Variants in HAUS8 observed in about 807,000 individuals in gnomAD.
HAUS8 encodes HAUS augmin like complex subunit 8, also known as HAUS augmin-like complex subunit 8.
Under a neutral mutation model 42.9 loss-of-function variants are expected in HAUS8, and 38 were observed. The observed-to-expected ratio is 0.89, with a 90% CI of 0.68 to 1.16. The LOEUF is 1.16. Among genes scored for constraint, HAUS8 ranks in the 50% most tolerant of loss-of-function variants. The pLI, the probability that HAUS8 is intolerant of heterozygous loss-of-function variation, is 0.00. For synonymous variants in HAUS8, 199 were observed against 205.8 expected, an observed-to-expected ratio of 0.97 and a Z score of 0.28; for missense variants, 494 against 511.6, an observed-to-expected ratio of 0.97 and a Z score of 0.33.
Position 17,050,085 on chromosome 19 carries a change from C to A in HAUS8, c.1021G>T (p.Ala341Ser). ...TTGAAATACCACCGGCTGGGGGGCGCCATGCCCTGGGTCTCTTCCCAGACT... is the reference window on the plus strand; with the variant it reads ...TTGAAATACCACCGGCTGGGGGGCGACATGCCCTGGGTCTCTTCCCAGACT... ...QEVWEETQGM[A>S]PPSRWYFNQD... The change falls in exon 11 of 11, where the codon GCG becomes TCG. Residue 341 changes from alanine to serine, a missense_variant. Physicochemically the swap from Ala to Ser is moderately conservative, Grantham distance 99 (BLOSUM62 1). Transcript: ENST00000253669. 1 of 1,603,234 alleles carries A rather than the reference C, an allele frequency of 6.2e-7. No homozygotes were observed. Among genetic ancestry groups the A allele is most frequent in the Non-Finnish European group, 8.5e-7 (1 of 1,174,998 alleles).
At chr19:17,059,762 G>A in intron 5 of HAUS8, 111 bp from the exon 6 acceptor site, 1 of 760,840 alleles carries the variant, frequency 1.3e-6, no homozygotes, top group Non-Finnish European at 2.2e-6. Flanking sequence ...ATCATAAATT[G>A]AGGAGTATAT....
intron 3 of HAUS8, among the ~76,000 whole-genome samples, chr19:17,064,304 G>A (rs780338012): frequency 7.9e-5 from 12 of 152,214 alleles, no homozygotes; most frequent in Non-Finnish European, 1.5e-4. Context: ...CTTTTATTAA[G>A]AAGGCATTTG....
intron 3 of HAUS8, among the ~76,000 whole-genome samples, chr19:17,065,972 T>TA (rs61226830): frequency 0.31 from 43,327 of 140,274 alleles, 6,898 homozygotes; most frequent in Middle Eastern, 0.43. Context: ...TCTTATCTTC[T>TA]AAAAAAAAAA....
intron 3 of HAUS8, among the ~76,000 whole-genome samples, chr19:17,063,181 CCAAAAG>C (rs2057370781): frequency 1.3e-5 from 2 of 152,242 alleles, no homozygotes; most frequent in African/African-American, 4.8e-5. Flanking sequence ...CTTCTAATAA[CCAAAAG>C]CAAAACAAAA....
chr19:17,075,123 G>A (rs2057460585), intron 1 of HAUS8: 2 of 531,514 alleles, frequency 3.8e-6, no homozygotes, highest in Non-Finnish European at 6.8e-6. Context: ...CCATTTCGTA[G>A]CGGAGGAAAG....
intron 8 of HAUS8, among the ~76,000 whole-genome samples, 194 bp from the exon 9 acceptor site, chr19:17,056,196 G>A (rs978439157): frequency 1.3e-5 from 2 of 152,210 alleles, no homozygotes; most frequent in African/African-American, 4.8e-5. Flanking sequence ...AGGCGGCCCA[G>A]GCCCCTTACT....
intron 9 of HAUS8, 192 bp from the exon 10 acceptor site, chr19:17,053,158 G>A: frequency 1.6e-6 from 1 of 625,136 alleles, no homozygotes; most frequent in Non-Finnish European, 2.8e-6. Flanking sequence ...GAGATTGTGG[G>A]ACAGGCACAT....
chr19:17,053,148 G>A, intron 9 of HAUS8, 182 bp from the exon 10 acceptor site: 1 of 647,138 alleles, frequency 1.5e-6, no homozygotes, highest in Non-Finnish European at 2.7e-6. Context: ...CCCGTGCTCT[G>A]AGATTGTGGG....
At chr19:17,066,950 A>G (rs554242975) in intron 3 of HAUS8, among the ~76,000 whole-genome samples, 9 of 152,312 alleles carry the variant, frequency 5.9e-5, no homozygotes, top group South Asian at 4.1e-4. Flanking sequence ...CATGCCTGTA[A>G]TCCCAGCATT....
Position 17,050,037 on chromosome 19 carries a change from A to G in HAUS8, c.1069T>C (p.Ser357Pro). The G allele has an allele frequency of 4.4e-6, 7 of 1,609,176 alleles. No individual in the cohort carries two copies. The highest frequency in any genetic ancestry group is 5.9e-6 in the Non-Finnish European group (7 of 1,178,238). The change falls in exon 11 of 11, where the codon TCT becomes CCT. Residue 357 changes from serine to proline, a missense_variant. By Grantham distance (74) the Ser-to-Pro change is moderately conservative. Transcript: ENST00000253669. ...YFNQDSACRE[S>P]GGAPKNTPLS... ...GGCGTGTTCTTGGGTGCTCCCCCAG[A>G]TTCTCTGCAGGCACTGTCTTGATTG...
chr19:17,059,544 T>G lies in HAUS8; in HGVS notation c.420+13A>C. The G allele has an allele frequency of 6.3e-7, 1 of 1,596,868 alleles. No homozygotes were observed. The highest frequency in any genetic ancestry group is 1.1e-5 in the South Asian group (1 of 90,542). On this transcript the variant is annotated intron_variant, in intron 6 of 10. Transcript: ENST00000253669. ...AACCCATCTGTGGCTGCCCTCTTCT[T>G]TCAGACACTTACCGGGCTCTTTTTC...
At chr19:17,062,889 G>T in intron 3 of HAUS8, 110 bp from the exon 4 acceptor site, 1 of 799,582 alleles carries the variant, frequency 1.3e-6, no homozygotes, top group Admixed American at 2.1e-5. Flanking sequence ...TTGAGGCAGG[G>T]GAGACATTTA....
In HAUS8 at chr19:17,059,993, T is replaced by G. The variant is rs758336971; in HGVS notation, c.325+4A>C. ...TGACAGAAGGGGTGAAACAAATGAT[T>G]TACCATTAATAGCAGAGAGATCCAG... On this transcript the variant is annotated splice_donor_region_variant and intron_variant, in intron 5 of 10. Coordinates refer to ENST00000253669, the MANE Select transcript of HAUS8 (RefSeq NM_033417.2). The G allele has an allele frequency of 3.7e-6, 6 of 1,603,658 alleles. No homozygotes were observed. In the Admixed American group the frequency reaches 8.3e-5, roughly 22 times the overall value.
At chr19:17,058,293 C>A (rs760536935) in intron 8 of HAUS8, among the ~76,000 whole-genome samples, 2 of 152,236 alleles carry the variant, frequency 1.3e-5, no homozygotes, top group Admixed American at 1.3e-4. Flanking sequence ...GATCATCAGG[C>A]GCTCAGGAAG....
chr19:17,068,672 T>C (rs1323380771), intron 3 of HAUS8, among the ~76,000 whole-genome samples: 2 of 151,698 alleles, frequency 1.3e-5, no homozygotes, highest in Admixed American at 6.6e-5. Context: ...AAGGCTCAGG[T>C]GGGAAGATGG....
intron 3 of HAUS8, among the ~76,000 whole-genome samples, chr19:17,065,115 G>C (rs1439495726): frequency 6.6e-6 from 1 of 152,176 alleles, no homozygotes; most frequent in Non-Finnish European, 1.5e-5. Context: ...CGGCTATTAT[G>C]AAAACACAAA....
intron 3 of HAUS8, among the ~76,000 whole-genome samples, chr19:17,065,599 G>T (rs1422157029): frequency 6.6e-6 from 1 of 152,294 alleles, no homozygotes; most frequent in East Asian, 1.9e-4. Flanking sequence ...AGAGGCCGAG[G>T]TGGGCAGATC....
intron 1 of HAUS8, 171 bp from the exon 2 acceptor site, chr19:17,073,506 C>T (rs1159000134): frequency 1.5e-6 from 1 of 659,930 alleles, no homozygotes; most frequent in African/African-American, 1.8e-5. Context: ...AAGGAGCAGC[C>T]AGCCCTGGTC....
chr19:17,056,096 C>T (rs578161895), intron 8 of HAUS8, 94 bp from the exon 9 acceptor site: 19 of 1,197,228 alleles, frequency 1.6e-5, no homozygotes, highest in Admixed American at 5.4e-5. Flanking sequence ...TAAGATACAG[C>T]GCTGTTCTTC....
Sources: gnomAD v4.1 joint callset for allele counts (sites outside exome capture counted in the v4.1 genomes callset) on GRCh38, gnomAD v4.1.1 for gene constraint, MANE v1.5 for transcripts, NCBI Gene and HGNC (gene_info 2026-07-23, HGNC 2026-07-21) for gene names.